Variants in USP7 observed in about 807,000 individuals in gnomAD.
USP7 encodes ubiquitin specific peptidase 7, also known as ubiquitin C-terminal hydrolase 7.
A neutral mutation model predicts 162.9 loss-of-function variants in USP7; 9 were observed. That is an observed-to-expected ratio of 0.06 (90% confidence interval 0.03 to 0.10). The LOEUF is 0.10. Ranked by LOEUF, USP7 falls within the 10% of genes least tolerant of loss-of-function variation. The pLI, the probability that USP7 is intolerant of heterozygous loss-of-function variation, is 1.00. For missense variants in USP7, 715 were observed against 1,373.7 expected (o/e 0.52, Z 7.58); for synonymous variants, 562 against 475.9 (o/e 1.18, Z -2.35).
At position 8,898,786 on chromosome 16, in the gene USP7, T is replaced by G. The variant is rs1433383465; in HGVS notation, c.2532-147A>C. The G allele has an allele frequency of 1.8e-5, 12 of 658,532 alleles. No individual in the cohort carries two copies. The Admixed American group carries it at 3.7e-4, about 21-fold the overall frequency. 40.8% of individuals were successfully genotyped at this position (658,532 alleles called of 1,614,324 possible). A position where few individuals can be genotyped will look rare whatever the true frequency, so the allele number is the denominator to read the frequency against. On this transcript the variant is annotated intron_variant, in intron 23 of 30. Coordinates refer to ENST00000344836, the MANE Select transcript of USP7 (RefSeq NM_003470.3). ...TGGGGTTTAACTTAATACTCCTGTT[T>G]CCCAAGAACTAAGTCCCACTCGCTG...
chr16:8,936,577 A>G, intron 1 of USP7: 1 of 1,537,508 alleles, frequency 6.5e-7, no homozygotes, highest in East Asian at 2.4e-5. Flanking sequence ...TGAAAACCTG[A>G]CTCACCTTCC....
intron 16 of USP7, 88 bp from the exon 17 acceptor site, chr16:8,902,570 CATAT>C (rs962811253): frequency 1.8e-5 from 17 of 968,768 alleles, no homozygotes; most frequent in Non-Finnish European, 2.4e-5. Flanking sequence ...TATACATATA[CATAT>C]ATATATATAG....
intron 3 of USP7, among the ~76,000 whole-genome samples, chr16:8,921,562 TATC>T (rs1897691260): frequency 6.6e-6 from 1 of 152,244 alleles, no homozygotes; most frequent in Non-Finnish European, 1.5e-5. Flanking sequence ...TCTTTCATTG[TATC>T]TATACAATTT....
intron 1 of USP7, among the ~76,000 whole-genome samples, chr16:8,941,883 CA>C (rs1899062196): frequency 6.6e-6 from 1 of 152,194 alleles, no homozygotes; most frequent in Non-Finnish European, 1.5e-5. Flanking sequence ...TCCTGGTGCT[CA>C]CTAGGAAGTG....
intron 1 of USP7, 42 bp downstream of exon 1, chr16:8,963,165 A>G: frequency 7.3e-7 from 1 of 1,378,832 alleles, no homozygotes; most frequent in Non-Finnish European, 9.5e-7. Context: ...CCACAATGAA[A>G]GGCGCCCCCC....
chr16:8,943,457 G>C (rs1379181345), intron 1 of USP7, among the ~76,000 whole-genome samples: 1 of 152,076 alleles, frequency 6.6e-6, no homozygotes, highest in East Asian at 1.9e-4. Flanking sequence ...GTTAGGGCAA[G>C]GGATGCCCCT....
At chr16:8,948,263 G>A (rs906875764) in intron 1 of USP7, among the ~76,000 whole-genome samples, 3 of 152,194 alleles carry the variant, frequency 2.0e-5, no homozygotes, top group Non-Finnish European at 4.4e-5. Flanking sequence ...GCTCACTGCA[G>A]CCTCAACTTC....
chr16:8,898,232 A>C (rs1375753215), intron 25 of USP7, 128 bp downstream of exon 25: 1 of 814,672 alleles, frequency 1.2e-6, no homozygotes, highest in Non-Finnish European at 1.9e-6. Flanking sequence ...GGGCTCCCCC[A>C]GCCCCCATCA....
In USP7 at chr16:8,920,340, T is replaced by C. The variant is rs1897619702; in HGVS notation, c.611+19A>G. ...CACAAAAGACATTTTTAACAGCACC[T>C]GATTAAAGAAAAACTTACGCAACTC... is the stretch of plus-strand genomic sequence containing the variant. On this transcript the variant is annotated intron_variant, in intron 5 of 30. Transcript: ENST00000344836. 3.1e-6 allele frequency: 5 copies of C among 1,598,166 alleles called. No homozygotes were observed. The highest frequency in any genetic ancestry group is 4.3e-6 in the Non-Finnish European group (5 of 1,173,636).
chr16:8,916,364 C>A lies in USP7; in HGVS notation c.906+138G>T. 2.3e-6 allele frequency: 2 copies of A among 869,748 alleles called. 1 individual carries two copies. Among genetic ancestry groups the A allele is most frequent in the Non-Finnish European group, 3.4e-6 (2 of 585,806 alleles). 53.9% of individuals were successfully genotyped at this position (869,748 alleles called of 1,614,324 possible). A position where few individuals can be genotyped will look rare whatever the true frequency, so the allele number is the denominator to read the frequency against. The stretch of plus-strand genomic sequence containing the variant: ...GCCTTTATAACTAGACATCTGCTGC[C>A]TTTTTGTAGCCTAAGTCTGATCCTA... On this transcript the variant is annotated intron_variant, in intron 8 of 30. Transcript: ENST00000344836.
chr16:8,897,786 C>T (rs951549056), intron 25 of USP7, among the ~76,000 whole-genome samples: 1 of 132,144 alleles, frequency 7.6e-6, no homozygotes, highest in African/African-American at 2.9e-5. Flanking sequence ...GTAATCCTAG[C>T]TACTTGGGGG....
At chr16:8,922,299 G>C (rs1210840256) in intron 3 of USP7, among the ~76,000 whole-genome samples, 1 of 152,194 alleles carries the variant, frequency 6.6e-6, no homozygotes, top group Non-Finnish European at 1.5e-5. Flanking sequence ...GACCAGCCTG[G>C]CCAACATGGT....
At chr16:8,962,418 T>C (rs1369616868) in intron 1 of USP7, 1 of 408,306 alleles carries the variant, frequency 2.4e-6, no homozygotes, top group Non-Finnish European at 5.0e-6. Context: ...CAAGACTCTA[T>C]ACCTCAAACT....
At chr16:8,962,193 A>G (rs1353802847) in intron 1 of USP7, among the ~76,000 whole-genome samples, 3 of 152,206 alleles carry the variant, frequency 2.0e-5, no homozygotes, top group African/African-American at 7.2e-5. Context: ...GCTAAAAGCA[A>G]AACTAAAGCA....
chr16:8,945,941 C>T (rs1899255240), intron 1 of USP7, among the ~76,000 whole-genome samples: 1 of 152,022 alleles, frequency 6.6e-6, no homozygotes. Flanking sequence ...ATCACATTAC[C>T]TGATTATGAA....
chr16:8,962,512 T>C (rs535173337), intron 1 of USP7: 6 of 451,562 alleles, frequency 1.3e-5, no homozygotes, highest in East Asian at 7.0e-5. Flanking sequence ...CAGGCAGCCA[T>C]GTGCGGCAGG....
intron 2 of USP7, among the ~76,000 whole-genome samples, chr16:8,927,118 G>A (rs555783907): frequency 6.6e-6 from 1 of 152,222 alleles, no homozygotes; most frequent in South Asian, 2.1e-4. Context: ...AGGAGTGCGA[G>A]ACCAGCAGCC....
In USP7 at chr16:8,906,536, T is replaced by C. The variant is rs1479244690; in HGVS notation, c.1318A>G (p.Thr440Ala). 1.2e-6 allele frequency: 2 copies of C among 1,613,608 alleles called. No individual in the cohort carries two copies. Among genetic ancestry groups the C allele is most frequent in the Non-Finnish European group, 8.5e-7 (1 of 1,179,996 alleles). Residue 440 changes from threonine (T) to alanine (A), a missense_variant, in exon 13 of 31, where the codon ACA (threonine) becomes GCA (alanine). Thr to Ala is a moderately conservative substitution (Grantham distance 58). This residue lies in a region of USP7 where 31 missense variants were observed against 135.9 expected (regional missense o/e 0.23). Coordinates refer to ENST00000344836, the MANE Select transcript of USP7 (RefSeq NM_003470.3). ...TAATTTGCAGGGTCCTTAGGATCTG[T>C]TTTTTGCAAAAATTCATCAAGTGGT... ...QLPLDEFLQK[T>A]DPKDPANYIL...
At chr16:8,937,305 G>A (rs1898799695) in intron 1 of USP7, among the ~76,000 whole-genome samples, 1 of 152,212 alleles carries the variant, frequency 6.6e-6, no homozygotes, top group African/African-American at 2.4e-5. Flanking sequence ...AACACTTTGG[G>A]AGGCTGAGGC....
Sources: gnomAD v4.1 joint callset for allele counts (sites outside exome capture counted in the v4.1 genomes callset) on GRCh38, gnomAD v4.1.1 for gene constraint, gnomAD v4.1.1 regional missense constraint, MANE v1.5 for transcripts, NCBI Gene and HGNC (gene_info 2026-07-23, HGNC 2026-07-21) for gene names.